Variants in LHFPL2 observed in about 807,000 individuals in gnomAD.
The protein encoded by LHFPL2 is LHFPL tetraspan subfamily member 2, also known as LHFPL tetraspan subfamily member 2 protein.
A neutral mutation model predicts 17.5 loss-of-function variants in LHFPL2; 7 were observed. The observed-to-expected ratio is 0.40, with a 90% CI of 0.23 to 0.75. The LOEUF (loss-of-function observed/expected upper bound fraction) is 0.75. Among genes scored for constraint, LHFPL2 ranks in the 30% least tolerant of loss-of-function variants. The pLI is 0.37. For synonymous variants in LHFPL2, 134 were observed against 116.2 expected (o/e 1.15, Z -0.99); for missense variants, 241 against 294.8 (o/e 0.82, Z 1.34).
intron 3 of LHFPL2, among the ~76,000 whole-genome samples, chr5:78,542,778 T>G (rs1283836160): frequency 6.6e-6 from 1 of 152,140 alleles, no homozygotes; most frequent in Non-Finnish European, 1.5e-5. Flanking sequence ...GCTCCCTTAC[T>G]AGACAGTGCA....
At chr5:78,520,720 G>GT (rs903309006) in intron 3 of LHFPL2, among the ~76,000 whole-genome samples, 15 of 152,144 alleles carry the variant, frequency 9.9e-5, no homozygotes, top group African/African-American at 2.7e-4. Flanking sequence ...CTGCTCATAT[G>GT]TTTTTTTTCC....
intron 2 of LHFPL2, 76 bp from the exon 3 acceptor site, chr5:78,564,947 T>G (rs1756820570): frequency 6.6e-6 from 1 of 152,214 alleles, no homozygotes; most frequent in African/African-American, 2.4e-5. Context: ...TGCAATTTTA[T>G]ATCTCATTAA....
At chr5:78,608,670 C>T (rs552286727) in intron 2 of LHFPL2, among the ~76,000 whole-genome samples, 15 of 151,868 alleles carry the variant, frequency 9.9e-5, no homozygotes, top group African/African-American at 2.9e-4. Flanking sequence ...CGGTGGCTCA[C>T]GCCTGTAATC....
At chr5:78,508,515 C>G (rs1001819632) in intron 4 of LHFPL2, among the ~76,000 whole-genome samples, 5 of 152,216 alleles carry the variant, frequency 3.3e-5, no homozygotes, top group Non-Finnish European at 7.3e-5. Context: ...CCACCCTACA[C>G]AGGGGCCTCC....
At chr5:78,532,493 A>C (rs1303266540) in intron 3 of LHFPL2, among the ~76,000 whole-genome samples, 3 of 152,110 alleles carry the variant, frequency 2.0e-5, no homozygotes, top group African/African-American at 7.2e-5. Flanking sequence ...GAAAGACAGA[A>C]AGAGCCTGGG....
chr5:78,590,511 A>AT (rs1003183515), intron 2 of LHFPL2, among the ~76,000 whole-genome samples: 10 of 151,614 alleles, frequency 6.6e-5, no homozygotes, highest in South Asian at 2.1e-4. Context: ...ATGTTATTCA[A>AT]TTTTTTTTTC....
intron 4 of LHFPL2, among the ~76,000 whole-genome samples, chr5:78,499,874 G>A (rs1754719188): frequency 6.6e-6 from 1 of 152,120 alleles, no homozygotes; most frequent in South Asian, 2.1e-4. Flanking sequence ...CTTTGGAATG[G>A]CTGCCCTTGG....
intron 2 of LHFPL2, among the ~76,000 whole-genome samples, chr5:78,575,973 G>C (rs1757121294): frequency 6.6e-6 from 1 of 152,166 alleles, no homozygotes; most frequent in African/African-American, 2.4e-5. Flanking sequence ...ATCTTACAGG[G>C]ATGAGCCACT....
At chr5:78,589,269 G>C (rs891929512) in intron 2 of LHFPL2, among the ~76,000 whole-genome samples, 1 of 152,192 alleles carries the variant, frequency 6.6e-6, no homozygotes, top group East Asian at 1.9e-4. Flanking sequence ...AGGAGATCGA[G>C]ACCATCCTGG....
chr5:78,590,133 G>T (rs1267508615), intron 2 of LHFPL2: 1 of 152,072 alleles, frequency 6.6e-6, no homozygotes, highest in Non-Finnish European at 1.5e-5. Flanking sequence ...CACACACATG[G>T]CTCTACTAGA....
chr5:78,539,818 T>A (rs905583719), intron 3 of LHFPL2, among the ~76,000 whole-genome samples: 4 of 41,722 alleles, frequency 9.6e-5, no homozygotes, highest in African/African-American at 5.6e-4. Flanking sequence ...GACTTTTGCT[T>A]TTTTTTTTTT....
At chr5:78,617,078 G>C (rs1238338593) in intron 2 of LHFPL2, among the ~76,000 whole-genome samples, 36 of 151,926 alleles carry the variant, frequency 2.4e-4, no homozygotes, top group Non-Finnish European at 1.5e-5. Flanking sequence ...GCCCAGGCTG[G>C]AGTGCAGTGG....
At chr5:78,565,293 T>C (rs1369079611) in intron 2 of LHFPL2, among the ~76,000 whole-genome samples, 1 of 152,266 alleles carries the variant, frequency 6.6e-6, no homozygotes, top group East Asian at 1.9e-4. Context: ...CAGCACTTTA[T>C]ATCCTTTTCA....
At chr5:78,638,802 C>A (rs77296218) in intron 1 of LHFPL2, among the ~76,000 whole-genome samples, 1 of 152,024 alleles carries the variant, frequency 6.6e-6, no homozygotes, top group African/African-American at 2.4e-5. Context: ...ACAAGACAGA[C>A]GACCAGGTCA....
Sources: allele counts gnomAD v4.1 joint callset (sites outside exome capture counted in the v4.1 genomes callset), GRCh38; gene constraint gnomAD v4.1.1; transcripts MANE v1.5; gene names NCBI Gene and HGNC (gene_info 2026-07-23, HGNC 2026-07-21).